TLN2: variants seen among roughly 807,000 people sequenced by gnomAD.
TLN2 encodes talin-2.
A neutral mutation model predicts 294.7 loss-of-function variants in TLN2; 118 were observed. The ratio of observed to expected loss-of-function variants is 0.40; its 90% CI spans 0.34 to 0.47. TLN2 has a LOEUF of 0.47. TLN2 is among the 20% of genes least tolerant of loss of function. The probability of loss-of-function intolerance (pLI) is 0.84; values close to 1 mark genes in which losing one functional copy is unlikely to be tolerated. For synonymous variants in TLN2, 1,431 were observed against 1,304.5 expected, an observed-to-expected ratio of 1.10 and a Z score of -2.09; for missense variants, 3,083 against 3,282.2, an observed-to-expected ratio of 0.94 and a Z score of 1.48.
chr15:62,787,749 A>G (rs184867770), intron 45 of TLN2, among the ~76,000 whole-genome samples: 3 of 136,954 alleles, frequency 2.2e-5, no homozygotes, highest in South Asian at 2.3e-4. Flanking sequence ...CTGGAGTACA[A>G]TGGTGTGATC....
At chr15:62,784,699 A>C (rs887148195) in intron 45 of TLN2, 3 of 152,254 alleles carry the variant, frequency 2.0e-5, no homozygotes, top group Admixed American at 6.5e-5. Flanking sequence ...AGGAAGCCCA[A>C]TTTAAAATGA....
intron 1 of TLN2, among the ~76,000 whole-genome samples, chr15:62,479,844 C>T (rs183876079): frequency 1.4e-4 from 22 of 152,332 alleles, no homozygotes; most frequent in African/African-American, 4.6e-4. Flanking sequence ...ATCCTTGTGT[C>T]CCAGGCCCAG....
chr15:62,482,127 T>C (rs908665664), intron 1 of TLN2, among the ~76,000 whole-genome samples: 14 of 152,162 alleles, frequency 9.2e-5, no homozygotes, highest in African/African-American at 3.4e-4. Context: ...ATTATTGTTA[T>C]ATAAAACGAT....
Position 62,796,171 on chromosome 15 carries a change from C to T in TLN2, c.5928C>T (p.Thr1976=), listed in dbSNP as rs776776838. 14 of 1,614,252 alleles carry T rather than the reference C, an allele frequency of 8.7e-6. No homozygotes were observed. The highest frequency in any genetic ancestry group is 1.0e-5 in the Non-Finnish European group (12 of 1,180,058). ...CTCTCCAGGCCGGGAACAAAGGAAC[C>T]CAGGCATGCATTACAGCCGCCACCG... The part of the protein sequence containing the change: ...LSALQAGNKG[T]QACITAATAV... The change falls in exon 47 of 59, where the codon ACC becomes ACT. Residue 1976 remains threonine (T), a synonymous_variant. Coordinates refer to ENST00000636159, the MANE Select transcript of TLN2 (RefSeq NM_015059.3).
In TLN2 at chr15:62,571,760, C is replaced by T. The variant is rs561931552; in HGVS notation, c.-237-17927C>T. ...TTATTTTGAAATAAATCCTCAACATCACATCATTTCATCTGTACATATTTC... is the reference window on the plus strand; with the variant it reads ...TTATTTTGAAATAAATCCTCAACATTACATCATTTCATCTGTACATATTTC... On this transcript the variant is annotated intron_variant, in intron 1 of 58. Transcript: ENST00000636159. Among the ~76,000 whole-genome samples the T allele has an allele frequency of 2.0e-5, 3 of 152,310 alleles. No homozygotes were observed. The East Asian group carries it at 5.8e-4, about 29-fold the overall frequency.
At chr15:62,653,419 T>A in intron 7 of TLN2, 105 bp downstream of exon 7, 1 of 1,350,464 alleles carries the variant, frequency 7.4e-7, no homozygotes, top group East Asian at 2.6e-5. Flanking sequence ...GATTTTTGTT[T>A]TTAAAACTCT....
chr15:62,433,986 C>A, intron 1 of TLN2, among the ~76,000 whole-genome samples: 1 of 149,606 alleles, frequency 6.7e-6, no homozygotes, highest in South Asian at 2.1e-4. Context: ...AAGATTCTGT[C>A]CCCCCGCCCC....
chr15:62,725,330 A>G (rs1053582672), intron 27 of TLN2, among the ~76,000 whole-genome samples: 11 of 152,192 alleles, frequency 7.2e-5, no homozygotes, highest in African/African-American at 2.7e-4. Flanking sequence ...CACGCGTCCC[A>G]TATCTCCTCT....
intron 13 of TLN2, among the ~76,000 whole-genome samples, chr15:62,693,967 T>TTTTTG (rs1555473874): frequency 0.017 from 67 of 3,888 alleles, no homozygotes; most frequent in Admixed American, 0.052. Context: ...TTTTTTTTTT[T>TTTTTG]TTTTTTTTTT....
chr15:62,518,083 G>A (rs756245458), intron 1 of TLN2, among the ~76,000 whole-genome samples: 48 of 151,974 alleles, frequency 3.2e-4, no homozygotes, highest in Non-Finnish European at 6.6e-4. Flanking sequence ...TCTGTCGCCA[G>A]GCTAGAGTAC....
intron 9 of TLN2, among the ~76,000 whole-genome samples, chr15:62,667,122 C>A (rs972901290): frequency 6.6e-6 from 1 of 152,118 alleles, no homozygotes; most frequent in African/African-American, 2.4e-5. Context: ...CCCACCACCA[C>A]GCCCGGCTAA....
At chr15:62,761,011 G>T (rs1453693294) in intron 37 of TLN2, among the ~76,000 whole-genome samples, 1 of 152,154 alleles carries the variant, frequency 6.6e-6, no homozygotes, top group East Asian at 1.9e-4. Context: ...ACCTGTGTTT[G>T]CACTTGGTAC....
intron 19 of TLN2, among the ~76,000 whole-genome samples, chr15:62,706,768 C>G (rs1211663939): frequency 1.3e-5 from 2 of 152,176 alleles, no homozygotes; most frequent in Non-Finnish European, 2.9e-5. Flanking sequence ...GCCACTCATT[C>G]AAGAGACGTG....
intron 45 of TLN2, among the ~76,000 whole-genome samples, chr15:62,788,746 C>T (rs765764283): frequency 6.6e-5 from 10 of 152,196 alleles, no homozygotes; most frequent in Non-Finnish European, 1.5e-4. Flanking sequence ...CCAGGTTAGT[C>T]GGGCATCACA....
chr15:62,511,745 A>G (rs1005028667), intron 1 of TLN2, among the ~76,000 whole-genome samples: 4 of 152,200 alleles, frequency 2.6e-5, no homozygotes, highest in African/African-American at 9.7e-5. Flanking sequence ...AGAGATTGGT[A>G]TATCTAACTC....
chr15:62,492,543 CAAAAAAAA>C (rs35935035), intron 1 of TLN2, among the ~76,000 whole-genome samples: 11 of 84,648 alleles, frequency 1.3e-4, no homozygotes, highest in African/African-American at 3.6e-4. Context: ...GACTCTGTCT[CAAAAAAAA>C]AAAAAAAAAG....
chr15:62,665,031 T>C (rs1416459307), intron 9 of TLN2, among the ~76,000 whole-genome samples: 1 of 151,982 alleles, frequency 6.6e-6, no homozygotes, highest in Non-Finnish European at 1.5e-5. Flanking sequence ...ATAAGGCATA[T>C]ACTTTTCTAT....
In TLN2 at chr15:62,740,875, C is replaced by T. The variant is rs2061285492; in HGVS notation, c.4025+106C>T. On this transcript the variant is annotated intron_variant, in intron 32 of 58. Coordinates refer to ENST00000636159, the MANE Select transcript of TLN2 (RefSeq NM_015059.3). ...CTTTTGCTGAGCAAAAGAATTGGTG[C>T]TGTCCTTAGGTCATGGGAGGTGGAG... 3.4e-6 allele frequency: 5 copies of T among 1,472,086 alleles called. No individual in the cohort carries two copies. The African/African-American group carries it at 4.2e-5, about 12-fold the overall frequency. The allele number at this position is 1,472,086 out of a possible 1,614,324, so 91.2% of individuals were successfully genotyped here. A position where few individuals can be genotyped will look rare whatever the true frequency, so the allele number is the denominator to read the frequency against.
At chr15:62,647,701 G>T (rs531717661) in intron 4 of TLN2, among the ~76,000 whole-genome samples, 1 of 152,160 alleles carries the variant, frequency 6.6e-6, no homozygotes, top group East Asian at 1.9e-4. Flanking sequence ...ATGCTCTGCG[G>T]TTTACAGATC....
Sources: gnomAD v4.1 joint callset for allele counts (sites outside exome capture counted in the v4.1 genomes callset) on GRCh38, gnomAD v4.1.1 for gene constraint, MANE v1.5 for transcripts, NCBI Gene and HGNC (gene_info 2026-07-23, HGNC 2026-07-21) for gene names.